The following ACOX3 variants were observed in gnomAD, a reference collection of about 807,000 sequenced individuals.
The protein encoded by ACOX3 is peroxisomal acyl-coenzyme A oxidase 3.
ACOX3 carries 73 observed loss-of-function variants against 81.5 expected under a neutral mutation model. The ratio of observed to expected loss-of-function variants is 0.90; its 90% CI spans 0.74 to 1.09. The LOEUF (loss-of-function observed/expected upper bound fraction) is 1.09, where lower values mean the gene tolerates loss of function less well. ACOX3 is among the 50% of genes least tolerant of loss of function. The pLI is 0.00. For missense variants in ACOX3, 947 were observed against 928.0 expected (o/e 1.02, Z -0.27); for synonymous variants, 387 against 375.1 (o/e 1.03, Z -0.37).
rs979108610 is a variant in ACOX3, at chr4:8,437,052, T to C, written c.-15+3596A>G. On this transcript the variant is annotated intron_variant, in intron 1 of 17. Coordinates refer to ENST00000356406, the MANE Select transcript of ACOX3 (RefSeq NM_003501.3). The surrounding 1 kb of genome is among the most constrained non-coding windows in gnomAD (Gnocchi z 5.2). ...GAAAAAATATATATAAATATATATA[T>C]ACAAATATATGTAAATATATAGAAA... 7.6e-5 allele frequency among the ~76,000 whole-genome samples: 11 copies of C among 144,540 alleles called. No homozygotes were observed. The East Asian group carries it at 8.0e-4, about 10-fold the overall frequency. The allele number at this position is 144,540 out of a possible 152,430, so 94.8% of individuals were successfully genotyped here.
chr4:8,393,810 G>T (rs1276160148), intron 10 of ACOX3, among the ~76,000 whole-genome samples: 2 of 152,146 alleles, frequency 1.3e-5, no homozygotes, highest in African/African-American at 4.8e-5. Context: ...GGAGAACAAT[G>T]CAAGTGTCAG....
intron 14 of ACOX3, among the ~76,000 whole-genome samples, chr4:8,378,025 C>T (rs1000443230): frequency 6.6e-6 from 1 of 152,170 alleles, no homozygotes; most frequent in South Asian, 2.1e-4. Flanking sequence ...CCAGAGCTGC[C>T]AAACTGTCCC....
intron 14 of ACOX3, among the ~76,000 whole-genome samples, chr4:8,380,987 C>T (rs976076105): frequency 2.0e-5 from 3 of 152,164 alleles, no homozygotes; most frequent in Non-Finnish European, 4.4e-5. Flanking sequence ...CTATTTTTTC[C>T]CTGTGGCTTC....
In ACOX3 at chr4:8,389,474, G is replaced by T; in HGVS notation, c.1423+138C>A. ...TTGCCCATGCCTTGGGGAGTTGGTC[G>T]GCACTATCTAATAACATTTCTTTCC... On this transcript the variant is annotated intron_variant, in intron 12 of 17. Coordinates refer to ENST00000356406, the MANE Select transcript of ACOX3 (RefSeq NM_003501.3). The surrounding 1 kb of genome is among the most constrained non-coding windows in gnomAD (Gnocchi z 5.3). 1 of 1,436,928 alleles carries T rather than the reference G, an allele frequency of 7.0e-7. No individual in the cohort carries two copies. The highest frequency in any genetic ancestry group is 9.5e-7 in the Non-Finnish European group (1 of 1,056,692). The allele number at this position is 1,436,928 out of a possible 1,614,324, so 89.0% of individuals were successfully genotyped here.
In ACOX3 at chr4:8,389,327, C is replaced by G; in HGVS notation, c.1424-41G>C. ...CAGTGACTTTGGTGGAAGACAGGAA[C>G]CCAAACCATTGGGAACCCCAAGCTG... On this transcript the variant is annotated intron_variant, in intron 12 of 17. Transcript: ENST00000356406. The surrounding 1 kb of genome is among the most constrained non-coding windows in gnomAD (Gnocchi z 5.3). 6.4e-7 allele frequency: 1 copy of G among 1,574,030 alleles called. No individual in the cohort carries two copies. Among genetic ancestry groups the G allele is most frequent in the Non-Finnish European group, 8.7e-7 (1 of 1,152,238 alleles).
chr4:8,367,274 G>A (rs942830870), intron 17 of ACOX3, among the ~76,000 whole-genome samples, 194 bp from the exon 18 acceptor site: 5 of 152,142 alleles, frequency 3.3e-5, no homozygotes, highest in African/African-American at 1.2e-4. Flanking sequence ...GAGGTCGGGA[G>A]TTTTAGATCA....
At chr4:8,367,806 C>CAA (rs535574857) in intron 17 of ACOX3, among the ~76,000 whole-genome samples, 9,193 of 46,444 alleles carry the variant, frequency 0.2, 2,791 homozygotes, top group Non-Finnish European at 0.29. Flanking sequence ...CCCATCTTTA[C>CAA]AAAAAAAAAA....
At chr4:8,409,880 C>T (rs1359475466) in intron 6 of ACOX3, among the ~76,000 whole-genome samples, 1 of 147,514 alleles carries the variant, frequency 6.8e-6, no homozygotes, top group African/African-American at 2.5e-5. Flanking sequence ...CTGTAGGATA[C>T]ACTGTGGGCG....
chr4:8,410,473 A>C, intron 5 of ACOX3, 118 bp from the exon 6 acceptor site: 3 of 1,341,592 alleles, frequency 2.2e-6, no homozygotes, highest in Non-Finnish European at 3.1e-6. Context: ...GCAAGAGTTG[A>C]AACTAATCGC....
Position 8,414,851 on chromosome 4 carries a change from T to C in ACOX3, c.453+3A>G. ...TCACAATTTACCATGAACCAGAACTTACCTCCATCCTGAAGATCTTTTGAA... is the reference window on the plus strand; with the variant it reads ...TCACAATTTACCATGAACCAGAACTCACCTCCATCCTGAAGATCTTTTGAA... On this transcript the variant is annotated splice_donor_region_variant and intron_variant, in intron 4 of 17. Coordinates refer to ENST00000356406, the MANE Select transcript of ACOX3 (RefSeq NM_003501.3). The surrounding 1 kb of genome is among the most constrained non-coding windows in gnomAD (Gnocchi z 6.1). 1.9e-6 allele frequency: 3 copies of C among 1,613,746 alleles called. No homozygotes were observed. The highest frequency in any genetic ancestry group is 1.1e-5 in the South Asian group (1 of 91,078).
At chr4:8,388,820 G>A (rs1718611170) in intron 13 of ACOX3, among the ~76,000 whole-genome samples, 1 of 152,192 alleles carries the variant, frequency 6.6e-6, no homozygotes, top group South Asian at 2.1e-4. Context: ...GAGGGCCCAG[G>A]GACAGCAGCA....
chr4:8,365,441 G>C (rs1578836548), downstream of ACOX3, among the ~76,000 whole-genome samples: 7 of 152,350 alleles, frequency 4.6e-5, no homozygotes, highest in East Asian at 1.4e-3. Context: ...AGTGACAATG[G>C]ATACCAGCAC....
At chr4:8,397,161 C>T (rs375429758) in intron 8 of ACOX3, 42 bp from the exon 9 acceptor site, 8 of 1,497,448 alleles carry the variant, frequency 5.3e-6, no homozygotes, top group Admixed American at 5.0e-5. Flanking sequence ...CCCGGCTGCG[C>T]GGCCACCTTG....
intron 1 of ACOX3, among the ~76,000 whole-genome samples, chr4:8,427,629 T>C (rs992470133): frequency 2.6e-5 from 4 of 152,198 alleles, no homozygotes; most frequent in Admixed American, 1.3e-4. Context: ...CAGCTTCTAA[T>C]AGAGCTATAA....
At chr4:8,395,048 TAAG>T (rs1000593829) in intron 9 of ACOX3, among the ~76,000 whole-genome samples, 1 of 152,114 alleles carries the variant, frequency 6.6e-6, no homozygotes, top group Non-Finnish European at 1.5e-5. Flanking sequence ...ATCTGTGAAT[TAAG>T]AAGGCAGCAC....
rs374815975 is a variant in ACOX3, at chr4:8,380,253, G to C, written c.1653+1239C>G. 4.0e-5 allele frequency among the ~76,000 whole-genome samples: 6 copies of C among 148,292 alleles called. No homozygotes were observed. In the East Asian group the frequency reaches 7.9e-4, roughly 19 times the overall value. On this transcript the variant is annotated intron_variant, in intron 14 of 17. Coordinates refer to ENST00000356406, the MANE Select transcript of ACOX3 (RefSeq NM_003501.3). ...CACCCAAGCTGGAGTGCAGTGGTGC[G>C]ATCTCGGCTCTCTGCAACCTCCACC...
At position 8,400,250 on chromosome 4, in the gene ACOX3, C is replaced by CAATAATAATAAT. The variant is rs3068615; in HGVS notation, c.777-610_777-599dup. Among the ~76,000 whole-genome samples the CAATAATAATAAT allele has an allele frequency of 0.018, 2,642 of 146,258 alleles. 32 individuals are homozygous for CAATAATAATAAT. The highest frequency in any genetic ancestry group is 0.036 in the African/African-American group (1,410 of 39,326). Reference sequence around the variant, plus strand: ...TTGGTGACAGAGCAAGACTCCACCTCAATAATAATAATAATAATAATAATA... The same window carrying CAATAATAATAAT: ...TTGGTGACAGAGCAAGACTCCACCTCAATAATAATAATAATAATAATAATAATAATAATAATA... On this transcript the variant is annotated intron_variant, in intron 7 of 17. Transcript: ENST00000356406. This position sits in a 1 kb window ranked among gnomAD's most constrained non-coding sequence, Gnocchi z 4.4.
intron 1 of ACOX3, among the ~76,000 whole-genome samples, chr4:8,429,162 A>G (rs184370393): frequency 1.4e-4 from 21 of 152,306 alleles, no homozygotes; most frequent in Admixed American, 3.3e-4. Context: ...CACACTTCTT[A>G]TGAAATTTAC....
chr4:8,408,215 A>G (rs1449611421), intron 6 of ACOX3, among the ~76,000 whole-genome samples: 1 of 152,062 alleles, frequency 6.6e-6, no homozygotes, highest in African/African-American at 2.4e-5. Context: ...CTCCTTTTCT[A>G]AAATCTTTCA....
Sources: allele counts gnomAD v4.1 joint callset (sites outside exome capture counted in the v4.1 genomes callset), GRCh38; gene constraint gnomAD v4.1.1; non-coding constraint Gnocchi (gnomAD v3.1); transcripts MANE v1.5; gene names NCBI Gene and HGNC (gene_info 2026-07-23, HGNC 2026-07-21).